Variants in SSPN observed in about 807,000 individuals in gnomAD.
SSPN encodes sarcospan, also known as K-ras oncogene-associated protein.
SSPN carries 15 observed loss-of-function variants against 19.1 expected under a neutral mutation model. The observed-to-expected ratio is 0.78, with a 90% CI of 0.52 to 1.21. The LOEUF is 1.21. Among genes scored for constraint, SSPN ranks in the 50% most tolerant of loss-of-function variants. The pLI is 0.00. For missense variants in SSPN, 291 were observed against 314.0 expected, an observed-to-expected ratio of 0.93 and a Z score of 0.55; for synonymous variants, 147 against 140.3, an observed-to-expected ratio of 1.05 and a Z score of -0.34.
intron 1 of SSPN, chr12:26,181,216 T>C (rs971103335): frequency 6.6e-6 from 1 of 152,236 alleles, no homozygotes; most frequent in African/African-American, 2.4e-5. Flanking sequence ...TAAAGTTTAC[T>C]ACTCATTTTT....
chr12:26,176,023 G>T lies in SSPN; in HGVS notation c.-30-48270G>T, dbSNP rs565554205. ...GGCTAATTTTTGTAATTTTAGTAGA[G>T]ACGGGGTTTCACCATGTTGACCAGG... is the stretch of plus-strand genomic sequence containing the variant. On this transcript the variant is annotated intron_variant, in intron 1 of 2. Transcript: ENST00000538142. Among the ~76,000 whole-genome samples the T allele has an allele frequency of 1.5e-4, 23 of 152,216 alleles. No homozygotes were observed. In the South Asian group the frequency reaches 4.8e-3, roughly 32 times the overall value.
intron 1 of SSPN, chr12:26,181,348 A>G (rs1377015600): frequency 6.6e-6 from 1 of 152,210 alleles, no homozygotes; most frequent in African/African-American, 2.4e-5. Flanking sequence ...CAAAAATACT[A>G]CTGTAAAACA....
chr12:26,168,297 G>A (rs1358208675), intron 1 of SSPN, among the ~76,000 whole-genome samples: 1 of 151,940 alleles, frequency 6.6e-6, no homozygotes, highest in Non-Finnish European at 1.5e-5. Flanking sequence ...AAAGGGAAGG[G>A]CACTAAGAAA....
Position 26,195,641 on chromosome 12 carries a change from G to GCGGGGCCCC in SSPN, c.-31_-30insGGGGCCCCC. ...CTCCAGGGCCCAGGGCGCCGCACAC[G>GCGGGGCCCC]CACCCACCCACCCACCCAGCCTCGC... On this transcript the variant is annotated 5_prime_UTR_variant, in exon 1 of 3. Coordinates refer to ENST00000242729, the MANE Select transcript of SSPN (RefSeq NM_005086.5). 4.5e-6 allele frequency: 5 copies of GCGGGGCCCC among 1,105,398 alleles called. No individual in the cohort carries two copies. The highest frequency in any genetic ancestry group is 1.7e-5 in the African/African-American group (1 of 60,322). The allele number at this position is 1,105,398 out of a possible 1,614,324, so 68.5% of individuals were successfully genotyped here.
In SSPN at chr12:26,166,625, C is replaced by T. The variant is rs76353452; in HGVS notation, c.-31+44473C>T. Among the ~76,000 whole-genome samples, 469 of 152,342 alleles carry T rather than the reference C, an allele frequency of 3.1e-3. 4 individuals are homozygous for T. Among genetic ancestry groups the T allele is most frequent in the African/African-American group, 0.011 (448 of 41,568 alleles). Reference sequence around the variant, plus strand: ...TGAAAACGAATTATATTTCATGACACATTGGAAACTAAACAAATTCAAATT... The same window carrying T: ...TGAAAACGAATTATATTTCATGACATATTGGAAACTAAACAAATTCAAATT... On this transcript the variant is annotated intron_variant, in intron 1 of 2. Coordinates refer to the SSPN transcript ENST00000538142.
rs190129394 is a variant in SSPN, at chr12:26,159,679, A to T, written c.-31+37527A>T. 1.1e-4 allele frequency among the ~76,000 whole-genome samples: 16 copies of T among 152,350 alleles called. No individual in the cohort carries two copies. The East Asian group carries it at 1.7e-3, about 17-fold the overall frequency. The stretch of plus-strand genomic sequence containing the variant: ...GAAGGGCTGATGTGTGAATGCAGGA[A>T]TAGGTATGATTTTTTAATATTCGTC... On this transcript the variant is annotated intron_variant, in intron 1 of 2. Transcript: ENST00000538142.
chr12:26,226,432 A>G (rs987288545), intron 2 of SSPN, among the ~76,000 whole-genome samples: 2 of 152,114 alleles, frequency 1.3e-5, no homozygotes, highest in African/African-American at 4.8e-5. Context: ...CCATGATGAC[A>G]GTCTCATTGT....
chr12:26,132,014 A>C (rs1944399646), intron 1 of SSPN, among the ~76,000 whole-genome samples: 1 of 152,068 alleles, frequency 6.6e-6, no homozygotes, highest in Non-Finnish European at 1.5e-5. Context: ...TCCTTGGTGA[A>C]GCTCTGCTTC....
chr12:26,123,397 G>C (rs1046249890), intron 1 of SSPN, among the ~76,000 whole-genome samples: 3 of 152,210 alleles, frequency 2.0e-5, no homozygotes, highest in Non-Finnish European at 2.9e-5. Context: ...AAAGTGGAGC[G>C]GGTGCAACCG....
rs1648396461 is a variant in SSPN at position 26,158,706 on chromosome 12, T to A, written c.-31+36554T>A. ...CTGAGGTGCCTCAGGGCAGGGCTGC[T>A]CCTGCAGCAGACCCCTGGAACCCCT... On this transcript the variant is annotated intron_variant, in intron 1 of 2. Coordinates refer to the SSPN transcript ENST00000538142. Among the ~76,000 whole-genome samples, 3 of 152,276 alleles carry A rather than the reference T, an allele frequency of 2.0e-5. No homozygotes were observed. In the South Asian group the frequency reaches 6.2e-4, roughly 31 times the overall value.
At chr12:26,212,260 T>G (rs573784292) in intron 1 of SSPN, among the ~76,000 whole-genome samples, 1 of 152,176 alleles carries the variant, frequency 6.6e-6, no homozygotes, top group Non-Finnish European at 1.5e-5. Flanking sequence ...CTGTCAGATA[T>G]CAACTCCTCA....
At chr12:26,165,604 A>G (rs1426940535) in intron 1 of SSPN, among the ~76,000 whole-genome samples, 1 of 152,266 alleles carries the variant, frequency 6.6e-6, no homozygotes, top group Non-Finnish European at 1.5e-5. Flanking sequence ...ATATTAATTT[A>G]TGATTGTGAC....
chr12:26,194,282 A>G (rs923645864), upstream of SSPN, among the ~76,000 whole-genome samples: 1 of 152,176 alleles, frequency 6.6e-6, no homozygotes, highest in Admixed American at 6.5e-5. Context: ...GAACATCTTT[A>G]TATCCTAGCA....
intron 1 of SSPN, among the ~76,000 whole-genome samples, chr12:26,221,766 G>A (rs1247267829): frequency 4.6e-5 from 7 of 152,320 alleles, no homozygotes; most frequent in Non-Finnish European, 1.0e-4. Context: ...AGGCAGTTAC[G>A]TGGGAGAGCC....
chr12:26,164,976 G>T (rs1944611974), intron 1 of SSPN, among the ~76,000 whole-genome samples: 1 of 152,152 alleles, frequency 6.6e-6, no homozygotes. Flanking sequence ...TAGCTTGTAG[G>T]ACAGTCTCAT....
chr12:26,207,840 T>C (rs1283439059), intron 1 of SSPN, among the ~76,000 whole-genome samples: 1 of 151,940 alleles, frequency 6.6e-6, no homozygotes, highest in Non-Finnish European at 1.5e-5. Context: ...AAAATACTTT[T>C]TGTAGAGAAA....
At chr12:26,211,360 G>A (rs1209768815) in intron 1 of SSPN, 1 of 152,134 alleles carries the variant, frequency 6.6e-6, no homozygotes, top group Non-Finnish European at 1.5e-5. Context: ...TCATACACTG[G>A]GATAGCTGTC....
At chr12:26,143,924 A>G (rs1180023541) in intron 1 of SSPN, among the ~76,000 whole-genome samples, 1 of 152,098 alleles carries the variant, frequency 6.6e-6, no homozygotes, top group Non-Finnish European at 1.5e-5. Flanking sequence ...TGTGCTTTTT[A>G]TGAGAATCTA....
chr12:26,195,643 A>ATCCCCC lies in SSPN; in HGVS notation c.-30_-29insTCCCCC. 8 of 242,024 alleles carry ATCCCCC rather than the reference A, an allele frequency of 3.3e-5. No homozygotes were observed. Among genetic ancestry groups the ATCCCCC allele is most frequent in the South Asian group, 6.4e-5 (1 of 15,712 alleles). The allele number at this position is 242,024 out of a possible 1,614,324, so 15.0% of individuals were successfully genotyped here. Reference sequence around the variant, plus strand: ...CCAGGGCCCAGGGCGCCGCACACGCACCCACCCACCCACCCAGCCTCGCAG... The same window carrying ATCCCCC: ...CCAGGGCCCAGGGCGCCGCACACGCATCCCCCCCCACCCACCCACCCAGCCTCGCAG... On this transcript the variant is annotated 5_prime_UTR_variant, in exon 1 of 3. Coordinates refer to ENST00000242729, the MANE Select transcript of SSPN (RefSeq NM_005086.5).
Sources: allele counts gnomAD v4.1 joint callset (sites outside exome capture counted in the v4.1 genomes callset), GRCh38; gene constraint gnomAD v4.1.1; transcripts MANE v1.5; gene names NCBI Gene and HGNC (gene_info 2026-07-23, HGNC 2026-07-21).